Variants in C10orf143 observed in about 807,000 individuals in gnomAD.
C10orf143 encodes the protein uncharacterized protein C10orf143.
chr10:130,106,250 C>T, intron 1 of C10orf143: 2 of 1,492,004 alleles, frequency 1.3e-6, no homozygotes, highest in Non-Finnish European at 1.9e-6. Context: ...GGTTAGGAGT[C>T]GGCTTTATGT....
At chr10:130,108,151 T>C in intron 1 of C10orf143, 1 of 1,569,988 alleles carries the variant, frequency 6.4e-7, no homozygotes. Flanking sequence ...GTCCACTGTT[T>C]CCAGTGGATA....
At chr10:130,043,793 C>A (rs35074128) in intron 3 of C10orf143, among the ~76,000 whole-genome samples, 1 of 152,132 alleles carries the variant, frequency 6.6e-6, no homozygotes, top group African/African-American at 2.4e-5. Flanking sequence ...ACAAGGGCAC[C>A]GTCCATCCTG....
At chr10:130,052,525 A>G (rs1286297935) in intron 3 of C10orf143, among the ~76,000 whole-genome samples, 5 of 152,194 alleles carry the variant, frequency 3.3e-5, no homozygotes, top group African/African-American at 1.2e-4. Context: ...TCACGCCCAG[A>G]CCAGCTTTGA....
chr10:130,082,391 A>G (rs553837437), intron 1 of C10orf143, among the ~76,000 whole-genome samples: 1 of 152,092 alleles, frequency 6.6e-6, no homozygotes, highest in Non-Finnish European at 1.5e-5. Flanking sequence ...ACCTCACACC[A>G]TGACATGGTT....
intron 1 of C10orf143, among the ~76,000 whole-genome samples, chr10:130,088,178 T>C (rs981902670): frequency 1.3e-5 from 2 of 151,766 alleles, no homozygotes; most frequent in African/African-American, 4.8e-5. Flanking sequence ...AGATCAGGAG[T>C]TCGAGACCAG....
chr10:130,107,481 A>G (rs1166367932), intron 1 of C10orf143: 1 of 1,414,696 alleles, frequency 7.1e-7, no homozygotes. Context: ...AGGAAAGAAA[A>G]TGCTCACAAC....
At chr10:130,110,403 C>T (rs1861741165) in intron 1 of C10orf143, among the ~76,000 whole-genome samples, 1 of 152,200 alleles carries the variant, frequency 6.6e-6, no homozygotes. Context: ...TGCAATGAGT[C>T]TCGGCCCATG....
intron 3 of C10orf143, among the ~76,000 whole-genome samples, chr10:130,073,797 AT>A (rs1234078645): frequency 6.6e-6 from 1 of 152,134 alleles, no homozygotes; most frequent in African/African-American, 2.4e-5. Flanking sequence ...ACAGTTAAAA[AT>A]TTTTTTAAAG....
chr10:130,079,488 A>G, intron 3 of C10orf143, 78 bp downstream of exon 3: 1 of 398,516 alleles, frequency 2.5e-6, no homozygotes, highest in Non-Finnish European at 4.4e-6. Context: ...TGCAGTTTTT[A>G]TTAACTTTGT....
intron 1 of C10orf143, among the ~76,000 whole-genome samples, chr10:130,105,226 C>T (rs140408242): frequency 2.0e-5 from 3 of 152,288 alleles, no homozygotes; most frequent in Non-Finnish European, 4.4e-5. Context: ...CTGCGCCCGG[C>T]CTGCTTTGTA....
intron 3 of C10orf143, among the ~76,000 whole-genome samples, chr10:130,052,899 G>A (rs774894563): frequency 1.3e-5 from 2 of 152,346 alleles, no homozygotes; most frequent in Non-Finnish European, 1.5e-5. Context: ...CTCTAGTCGA[G>A]TAGTGGTGGA....
chr10:130,104,862 TCA>T (rs1564971578), intron 1 of C10orf143: 1 of 152,202 alleles, frequency 6.6e-6, no homozygotes, highest in Non-Finnish European at 1.5e-5. Context: ...GCCCACAGCA[TCA>T]CACTTTTCAT....
At chr10:130,093,605 A>C (rs1483723467) in intron 1 of C10orf143, among the ~76,000 whole-genome samples, 1 of 152,152 alleles carries the variant, frequency 6.6e-6, no homozygotes, top group Non-Finnish European at 1.5e-5. Flanking sequence ...AAAACCCTTC[A>C]AAAAAATCAA....
intron 1 of C10orf143, among the ~76,000 whole-genome samples, chr10:130,084,729 G>C (rs1315020721): frequency 1.3e-5 from 2 of 152,082 alleles, no homozygotes; most frequent in Non-Finnish European, 2.9e-5. Flanking sequence ...CTAGTAGCAA[G>C]ATTACACTTA....
At position 130,108,113 on chromosome 10, in the gene C10orf143, G is replaced by A. The variant is rs763115966; in HGVS notation, c.69+2591C>T. 68 of 1,546,190 alleles carry A rather than the reference G, an allele frequency of 4.4e-5. No homozygotes were observed. In the East Asian group the frequency reaches 8.1e-4, roughly 18 times the overall value. On this transcript the variant is annotated intron_variant, in intron 1 of 3. Transcript: ENST00000637128. ...AAATGCAGCAACTGGCCCTCGCTTT[G>A]TTCCTCCACCTCTTGCCCTAATCAG...
In C10orf143 at chr10:130,107,591, C is replaced by T. The variant is rs144787849; in HGVS notation, c.69+3113G>A. 6.4e-4 allele frequency: 859 copies of T among 1,345,182 alleles called. 9 individuals carry two copies. The African/African-American group carries it at 0.011, about 17-fold the overall frequency. 83.3% of individuals were successfully genotyped at this position (1,345,182 alleles called of 1,614,324 possible). ...TACAGCATTTGGCAGAGAGCATTCC[C>T]CATATGGTCCCTCATCATTGGGTCG... On this transcript the variant is annotated intron_variant, in intron 1 of 3. Transcript: ENST00000637128.
At chr10:130,071,638 T>A (rs1213059012) in intron 3 of C10orf143, among the ~76,000 whole-genome samples, 2 of 152,354 alleles carry the variant, frequency 1.3e-5, no homozygotes, top group Non-Finnish European at 2.9e-5. Context: ...TTCTATATTT[T>A]TTTTTTGAGA....
chr10:130,043,707 G>A (rs919979517), intron 3 of C10orf143, among the ~76,000 whole-genome samples: 2 of 152,218 alleles, frequency 1.3e-5, no homozygotes, highest in South Asian at 2.1e-4. Flanking sequence ...TGTTCTCCCC[G>A]AGGGGTGTGG....
intron 1 of C10orf143, among the ~76,000 whole-genome samples, chr10:130,088,058 T>C (rs954931406): frequency 6.6e-6 from 1 of 152,202 alleles, no homozygotes; most frequent in African/African-American, 2.4e-5. Context: ...AGCGAGCATA[T>C]GAGTTAAGCA....
Sources: gnomAD v4.1 joint callset for allele counts (sites outside exome capture counted in the v4.1 genomes callset) on GRCh38, gnomAD v4.1.1 for gene constraint, MANE v1.5 for transcripts, NCBI Gene and HGNC (gene_info 2026-07-23, HGNC 2026-07-21) for gene names.